The following MZT2B variants were observed in gnomAD, a reference collection of about 807,000 sequenced individuals.
MZT2B encodes the protein mitotic-spindle organizing protein 2B.
Under a neutral mutation model 12.1 loss-of-function variants are expected in MZT2B, and 11 were observed. The ratio of observed to expected loss-of-function variants is 0.91; its 90% confidence interval spans 0.57 to 1.50. MZT2B has a LOEUF of 1.50. Ranked by LOEUF, MZT2B falls within the 40% of genes most tolerant of loss-of-function variation. MZT2B has a pLI of 0.00. For synonymous variants in MZT2B, 85 were observed against 109.5 expected (o/e 0.78, Z 1.40); for missense variants, 209 against 227.7 (o/e 0.92, Z 0.53).
chr2:130,184,267 G>T, intron 2 of MZT2B: 1 of 985,458 alleles, frequency 1.0e-6, no homozygotes. Flanking sequence ...GCCGGCCAGA[G>T]TGCGGTGTGC....
chr2:130,194,562 G>C (rs1000510490), downstream of MZT2B: 1 of 1,284,290 alleles, frequency 7.8e-7, no homozygotes, highest in African/African-American at 1.5e-5. Flanking sequence ...CTAAAGAGTT[G>C]ATATGGATTC....
At chr2:130,185,332 A>AG (rs1392898435) in intron 2 of MZT2B, among the ~76,000 whole-genome samples, 2 of 146,180 alleles carry the variant, frequency 1.4e-5, no homozygotes, top group Non-Finnish European at 3.0e-5. Flanking sequence ...AAAACTAGCC[A>AG]GGTGGGCATG....
downstream of MZT2B, chr2:130,190,755 T>G (rs868733680): frequency 2.3e-3 from 2,415 of 1,060,128 alleles, 5 homozygotes; most frequent in South Asian, 0.015. Flanking sequence ...TTTTTTTTTG[T>G]TTTTTTTTTT....
the MZT2B span, among the ~76,000 whole-genome samples, chr2:130,197,275 G>A: frequency 7.3e-5 from 11 of 151,566 alleles, no homozygotes; most frequent in South Asian, 1.7e-3. Context: ...GGATCACTTG[G>A]GACCAGTTTG....
At chr2:130,182,520 C>T (rs1689768612) in intron 1 of MZT2B, 68 bp downstream of exon 1, 2 of 1,544,162 alleles carry the variant, frequency 1.3e-6, no homozygotes, top group Admixed American at 3.9e-5. Flanking sequence ...CGGGTACGCC[C>T]GGCCCGCTGG....
At chr2:130,196,516 C>G in the MZT2B span, 2 of 1,121,092 alleles carry the variant, frequency 1.8e-6, no homozygotes, top group Non-Finnish European at 2.5e-6. Flanking sequence ...GGGTTAGTGA[C>G]TGATCCCTTT....
chr2:130,194,908 C>T (rs1434743197), downstream of MZT2B, among the ~76,000 whole-genome samples: 1 of 152,190 alleles, frequency 6.6e-6, no homozygotes, highest in Non-Finnish European at 1.5e-5. Flanking sequence ...AAACTCCTGA[C>T]CTCAGGTAAT....
the MZT2B span, among the ~76,000 whole-genome samples, chr2:130,201,980 G>T: frequency 6.6e-6 from 1 of 152,108 alleles, no homozygotes; most frequent in Non-Finnish European, 1.5e-5. Flanking sequence ...TATATGCTAC[G>T]TGACTGCAAT....
chr2:130,181,858 C>CG (rs749587763), upstream of MZT2B: 141 of 1,535,504 alleles, frequency 9.2e-5, no homozygotes, highest in African/African-American at 1.8e-3. Flanking sequence ...TTAGTGCCCC[C>CG]CCCTTCCCCC....
chr2:130,191,764 T>C, downstream of MZT2B: 1 of 1,562,330 alleles, frequency 6.4e-7, no homozygotes. Context: ...TACAGAATCT[T>C]TAATTGCAAA....
At chr2:130,185,427 C>G (rs1433817525) in intron 2 of MZT2B, among the ~76,000 whole-genome samples, 1 of 149,150 alleles carries the variant, frequency 6.7e-6, no homozygotes, top group Non-Finnish European at 1.5e-5. Flanking sequence ...TTGCCGTGAG[C>G]CAAGAGCTTG....
downstream of MZT2B, among the ~76,000 whole-genome samples, chr2:130,195,602 G>C (rs1451363781): frequency 1.3e-5 from 2 of 152,228 alleles, no homozygotes; most frequent in African/African-American, 4.8e-5. Context: ...GACTTCTGCA[G>C]GGCAGTCCCA....
chr2:130,187,092 CATCTT>C (rs1690093401), intron 2 of MZT2B, among the ~76,000 whole-genome samples: 1 of 151,688 alleles, frequency 6.6e-6, no homozygotes, highest in African/African-American at 2.4e-5. Flanking sequence ...GTGAATGCAA[CATCTT>C]ATGAATAACT....
the MZT2B span, among the ~76,000 whole-genome samples, chr2:130,196,885 G>C: frequency 1.3e-5 from 2 of 152,168 alleles, no homozygotes; most frequent in African/African-American, 4.8e-5. Flanking sequence ...TGACCCTTGA[G>C]AACAGCATCA....
the MZT2B span, among the ~76,000 whole-genome samples, chr2:130,200,747 A>G: frequency 6.6e-5 from 10 of 152,236 alleles, no homozygotes; most frequent in African/African-American, 2.4e-4. Flanking sequence ...CAGTCACCTG[A>G]TTCTTCCTTT....
At chr2:130,204,381 C>G in the MZT2B span, 1 of 391,312 alleles carries the variant, frequency 2.6e-6, no homozygotes, top group Non-Finnish European at 5.0e-6. Context: ...TCTGAAGATC[C>G]AAGAAGCTCA....
intron 2 of MZT2B, chr2:130,183,684 G>T: frequency 6.5e-7 from 1 of 1,544,090 alleles, no homozygotes; most frequent in Non-Finnish European, 8.8e-7. Flanking sequence ...CAGGGCCTGG[G>T]CACCCACACC....
the MZT2B span, chr2:130,202,432 T>TG: frequency 7.8e-7 from 1 of 1,289,680 alleles, no homozygotes; most frequent in Non-Finnish European, 1.0e-6. Context: ...AAGGAGGACA[T>TG]GCACAAGGTA....
chr2:130,181,853 G>GCC (rs375200672), upstream of MZT2B: 73 of 1,526,968 alleles, frequency 4.8e-5, no homozygotes, highest in African/African-American at 5.5e-4. Context: ...GTTGATTAGT[G>GCC]CCCCCCCCTT....
Sources: gnomAD v4.1 joint callset for allele counts (sites outside exome capture counted in the v4.1 genomes callset) on GRCh38, gnomAD v4.1.1 for gene constraint, MANE v1.5 for transcripts, NCBI Gene and HGNC (gene_info 2026-07-23, HGNC 2026-07-21) for gene names.